USP34: variants seen among roughly 807,000 people sequenced by gnomAD.
USP34 encodes ubiquitin specific peptidase 34, also known as ubiquitin carboxyl-terminal hydrolase 34.
USP34 carries 70 observed loss-of-function variants against 460.3 expected under a neutral mutation model. The ratio of observed to expected loss-of-function variants is 0.15; its 90% CI spans 0.13 to 0.19. The LOEUF (loss-of-function observed/expected upper bound fraction) is 0.19, where lower values mean the gene tolerates loss of function less well. USP34 is among the 10% of genes least tolerant of loss of function. The pLI is 1.00. For synonymous variants in USP34, 1,647 were observed against 1,405.3 expected (o/e 1.17, Z -3.85); for missense variants, 3,985 against 4,236.2 (o/e 0.94, Z 1.65).
At chr2:61,302,433 C>A (rs1044259706) in intron 27 of USP34, among the ~76,000 whole-genome samples, 1 of 152,162 alleles carries the variant, frequency 6.6e-6, no homozygotes, top group African/African-American at 2.4e-5. Context: ...GCCTTAAGCA[C>A]AATTTTTTTA....
In USP34 at chr2:61,337,522, C is replaced by T. The variant is rs575292447; in HGVS notation, c.2744+1829G>A. Among the ~76,000 whole-genome samples, 7 of 152,158 alleles carry T rather than the reference C, an allele frequency of 4.6e-5. No individual in the cohort carries two copies. In the East Asian group the frequency reaches 5.8e-4, roughly 13 times the overall value. On this transcript the variant is annotated intron_variant, in intron 18 of 79. Coordinates refer to ENST00000398571, the MANE Select transcript of USP34 (RefSeq NM_014709.4). ...GGGCTGGAGTGCAGTGACGTGATCA[C>T]GACTCACTGCAGCCTGAACCTCCCC...
intron 41 of USP34, among the ~76,000 whole-genome samples, chr2:61,273,187 G>T (rs7583383): frequency 4.6e-5 from 7 of 151,814 alleles, no homozygotes; most frequent in Non-Finnish European, 4.4e-5. Flanking sequence ...GTAGGAAAAA[G>T]AATCTTCTAA....
chr2:61,349,973 A>G (rs536489732), intron 12 of USP34, among the ~76,000 whole-genome samples: 2 of 152,310 alleles, frequency 1.3e-5, no homozygotes, highest in South Asian at 4.1e-4. Context: ...TTTCTGAAAC[A>G]AAACTTGTTT....
intron 20 of USP34, among the ~76,000 whole-genome samples, chr2:61,329,008 T>G (rs1015061781): frequency 3.9e-5 from 6 of 152,104 alleles, no homozygotes; most frequent in Admixed American, 1.3e-4. Flanking sequence ...TGCTCTTTGT[T>G]GATCCTATGA....
intron 1 of USP34, among the ~76,000 whole-genome samples, chr2:61,445,462 G>A (rs1249671440): frequency 3.3e-5 from 5 of 150,580 alleles, no homozygotes; most frequent in Non-Finnish European, 5.9e-5. Flanking sequence ...ATGAACCCGG[G>A]AGGCAGAGTT....
At chr2:61,272,154 G>A (rs562117588) in intron 41 of USP34, among the ~76,000 whole-genome samples, 1 of 152,334 alleles carries the variant, frequency 6.6e-6, no homozygotes, top group South Asian at 2.1e-4. Context: ...GCTCACGCCT[G>A]TAATCCCAGC....
intron 74 of USP34, 120 bp downstream of exon 74, chr2:61,204,136 A>G: frequency 1.5e-6 from 2 of 1,325,494 alleles, no homozygotes; most frequent in Non-Finnish European, 2.1e-6. Flanking sequence ...AAATGAATCT[A>G]ATCTTCTTAG....
intron 1 of USP34, among the ~76,000 whole-genome samples, chr2:61,462,667 C>G (rs1290436673): frequency 6.6e-6 from 1 of 151,826 alleles, no homozygotes; most frequent in Non-Finnish European, 1.5e-5. Context: ...TTGAGACCAG[C>G]CTGACCAACA....
chr2:61,429,243 C>T (rs1176875581), intron 1 of USP34, among the ~76,000 whole-genome samples: 2 of 151,880 alleles, frequency 1.3e-5, no homozygotes, highest in Non-Finnish European at 2.9e-5. Flanking sequence ...GTCAGGAGAT[C>T]GAGACCATCC....
chr2:61,240,298 A>G (rs938028173), intron 53 of USP34, among the ~76,000 whole-genome samples: 6 of 151,278 alleles, frequency 4.0e-5, no homozygotes, highest in Middle Eastern at 3.4e-3. Flanking sequence ...TGTAAAATAC[A>G]TTTTTTTTTG....
At chr2:61,233,190 T>C (rs1222073068) in intron 57 of USP34, among the ~76,000 whole-genome samples, 4 of 152,150 alleles carry the variant, frequency 2.6e-5, no homozygotes, top group Admixed American at 2.6e-4. Context: ...ATGAGCATGA[T>C]TAATTTTCTT....
intron 67 of USP34, among the ~76,000 whole-genome samples, chr2:61,216,934 A>G (rs1421435723): frequency 6.6e-6 from 1 of 152,066 alleles, no homozygotes; most frequent in Non-Finnish European, 1.5e-5. Flanking sequence ...AAAAAAAAAA[A>G]AAAAGTCATT....
intron 10 of USP34, among the ~76,000 whole-genome samples, chr2:61,357,109 A>C (rs1054661714): frequency 6.6e-6 from 1 of 152,256 alleles, no homozygotes; most frequent in Non-Finnish European, 1.5e-5. Flanking sequence ...TAGCAGGCAT[A>C]CACAGAACAC....
At chr2:61,263,352 A>G (rs1441457762) in intron 43 of USP34, among the ~76,000 whole-genome samples, 1 of 150,350 alleles carries the variant, frequency 6.7e-6, no homozygotes, top group Non-Finnish European at 1.5e-5. Context: ...GCTAATTTTC[A>G]TATTTTTTAG....
intron 1 of USP34, among the ~76,000 whole-genome samples, chr2:61,458,076 C>G (rs939581712): frequency 3.3e-5 from 5 of 152,194 alleles, no homozygotes; most frequent in Admixed American, 2.0e-4. Context: ...CACTGTAAAA[C>G]AGTAGTAACA....
rs774362955 is a variant in USP34 at position 61,288,826 on chromosome 2, C to G, written c.4600G>C (p.Val1534Leu). Reference protein sequence around the residue: ...CLLKLICQFAVDPSDLDLAYH... With the variant: ...CLLKLICQFALDPSDLDLAYH... ...GCTAAATCCAAATCGGATGGATCTACTGCAAACTGGCATATTAACTTCAGC... is the reference window on the plus strand; with the variant it reads ...GCTAAATCCAAATCGGATGGATCTAGTGCAAACTGGCATATTAACTTCAGC... Residue 1534 changes from valine to leucine, a missense_variant, in exon 34 of 80, where the codon GTA becomes CTA. Around this residue, in one of 14 missense-constraint regions of USP34, gnomAD observed 1,114 missense variants for 1,122.5 expected, o/e 0.99. Transcript: ENST00000398571. 6.2e-7 allele frequency: 1 copy of G among 1,613,764 alleles called. No individual in the cohort carries two copies.
intron 61 of USP34, 126 bp downstream of exon 61, chr2:61,228,519 T>C (rs1368471952): frequency 1.4e-6 from 1 of 727,922 alleles, no homozygotes; most frequent in Non-Finnish European, 2.2e-6. Context: ...TCTTAGACCC[T>C]TCATATTATC....
At chr2:61,456,980 G>GA (rs1469916472) in intron 1 of USP34, among the ~76,000 whole-genome samples, 5 of 151,310 alleles carry the variant, frequency 3.3e-5, no homozygotes, top group Non-Finnish European at 7.4e-5. Context: ...GACTCTGTCT[G>GA]AAAAAACTAA....
chr2:61,278,042 T>C, intron 41 of USP34, 123 bp downstream of exon 41: 1 of 1,237,704 alleles, frequency 8.1e-7, no homozygotes. Context: ...ACCCTTTTCT[T>C]TTGTAAACTG....
Sources: gnomAD v4.1 joint callset for allele counts (sites outside exome capture counted in the v4.1 genomes callset) on GRCh38, gnomAD v4.1.1 for gene constraint, gnomAD v4.1.1 regional missense constraint, MANE v1.5 for transcripts, NCBI Gene and HGNC (gene_info 2026-07-23, HGNC 2026-07-21) for gene names.